Variants in ANK1 observed in about 807,000 individuals in gnomAD.
ANK1 encodes ankyrin 1, also known as ankyrin-1.
A neutral mutation model predicts 210.4 loss-of-function variants in ANK1; 51 were observed. The observed-to-expected ratio is 0.24, with a 90% CI of 0.19 to 0.31. ANK1 has a LOEUF of 0.31. Among genes scored for constraint, ANK1 ranks in the 10% least tolerant of loss-of-function variants. ANK1 has a pLI of 1.00. For synonymous variants in ANK1, 967 were observed against 1,025.9 expected (o/e 0.94, Z 1.10); for missense variants, 2,051 against 2,504.4 (o/e 0.82, Z 3.86).
chr8:41,741,046 G>C (rs1358243428), intron 2 of ANK1, among the ~76,000 whole-genome samples: 2 of 152,212 alleles, frequency 1.3e-5, no homozygotes, highest in African/African-American at 4.8e-5. Flanking sequence ...GGGGACCTGG[G>C]AGTCCCATTT....
intron 1 of ANK1, among the ~76,000 whole-genome samples, chr8:41,807,598 G>T (rs115467266): frequency 4.6e-5 from 7 of 152,088 alleles, no homozygotes; most frequent in African/African-American, 1.7e-4. Flanking sequence ...TGGATCACAC[G>T]GTGCTGGTGG....
intron 1 of ANK1, among the ~76,000 whole-genome samples, chr8:41,886,923 T>C (rs901087383): frequency 3.3e-5 from 5 of 152,124 alleles, no homozygotes; most frequent in South Asian, 2.1e-4. Context: ...CCAACACACA[T>C]ACATTTTCAA....
At chr8:41,683,833 C>T (rs1816866664) in intron 37 of ANK1, among the ~76,000 whole-genome samples, 1 of 152,144 alleles carries the variant, frequency 6.6e-6, no homozygotes, top group African/African-American at 2.4e-5. Context: ...GGGGCCTGGC[C>T]CAGGAGTGGC....
intron 31 of ANK1, among the ~76,000 whole-genome samples, chr8:41,692,218 G>A (rs991640086): frequency 2.0e-5 from 3 of 152,066 alleles, no homozygotes; most frequent in Non-Finnish European, 4.4e-5. Flanking sequence ...CATCATGCCC[G>A]GCTAATTTTT....
chr8:41,747,232 A>G (rs908163534), intron 2 of ANK1, among the ~76,000 whole-genome samples: 1 of 152,176 alleles, frequency 6.6e-6, no homozygotes, highest in Non-Finnish European at 1.5e-5. Flanking sequence ...AATCGAATGC[A>G]AACAATCGTG....
intron 36 of ANK1, among the ~76,000 whole-genome samples, chr8:41,685,666 T>C (rs1817517686): frequency 6.6e-6 from 1 of 152,080 alleles, no homozygotes; most frequent in Admixed American, 6.5e-5. Flanking sequence ...AGTCAGGATT[T>C]TGCTTGTTGC....
intron 22 of ANK1, 65 bp from the exon 23 acceptor site, chr8:41,699,613 A>G: frequency 1.3e-6 from 2 of 1,502,384 alleles, no homozygotes; most frequent in Non-Finnish European, 1.8e-6. Flanking sequence ...TTTTTTAAAA[A>G]AGCTCTGTTC....
chr8:41,882,229 A>C (rs1817711313), intron 1 of ANK1, among the ~76,000 whole-genome samples: 1 of 152,128 alleles, frequency 6.6e-6, no homozygotes, highest in Non-Finnish European at 1.5e-5. Context: ...GCGCCTGGTG[A>C]GCCACTGAGC....
In ANK1 at chr8:41,704,589, C is replaced by T; in HGVS notation, c.2098-117G>A. On this transcript the variant is annotated intron_variant, in intron 18 of 42. Transcript: ENST00000289734. The surrounding 1 kb of genome is among the most constrained non-coding windows in gnomAD (Gnocchi z 4.1). ...GGACAGGGAGCCCCTTGAAGGCTGACATTGACAAGCTGAATGGCTGCTGCT... is the reference window on the plus strand; with the variant it reads ...GGACAGGGAGCCCCTTGAAGGCTGATATTGACAAGCTGAATGGCTGCTGCT... The T allele has an allele frequency of 1.1e-6, 1 of 876,434 alleles. No homozygotes were observed. The highest frequency in any genetic ancestry group is 1.9e-6 in the Non-Finnish European group (1 of 531,966). The allele number at this position is 876,434 out of a possible 1,614,324, so 54.3% of individuals were successfully genotyped here. A position where few individuals can be genotyped will look rare whatever the true frequency, so the allele number is the denominator to read the frequency against.
chr8:41,876,600 C>T (rs1166822354), intron 1 of ANK1, among the ~76,000 whole-genome samples: 1 of 152,224 alleles, frequency 6.6e-6, no homozygotes. Context: ...AAGTCGGAAA[C>T]GTACGCGCTG....
At chr8:41,807,992 G>T (rs10092989) in intron 1 of ANK1, among the ~76,000 whole-genome samples, 36,327 of 151,258 alleles carry the variant, frequency 0.24, 6,556 homozygotes, top group African/African-American at 0.51. Flanking sequence ...GAAGAAGAGA[G>T]GATGATGAAA....
chr8:41,716,049 A>C (rs569399859), intron 13 of ANK1, among the ~76,000 whole-genome samples, 200 bp from the exon 14 acceptor site: 6 of 152,318 alleles, frequency 3.9e-5, no homozygotes, highest in African/African-American at 1.4e-4. Context: ...CTGAATCCTT[A>C]CAACAGTTCT....
chr8:41,725,710 G>A lies in ANK1; in HGVS notation c.612+51C>T, dbSNP rs780536266. On this transcript the variant is annotated intron_variant, in intron 6 of 42. Transcript: ENST00000289734. ...TCGCTGGGCGTGCGCGGTGCCCCCT[G>A]AGCCCACGGGCGTCCGCGGCCCAAG... 25 of 1,578,434 alleles carry A rather than the reference G, an allele frequency of 1.6e-5. No homozygotes were observed. The African/African-American group carries it at 3.2e-4, about 20-fold the overall frequency.
chr8:41,784,043 G>T (rs572128733), intron 1 of ANK1, among the ~76,000 whole-genome samples: 2 of 129,234 alleles, frequency 1.5e-5, no homozygotes, highest in Non-Finnish European at 1.7e-5. Flanking sequence ...TGGTGGCATC[G>T]CAAGACCCTA....
chr8:41,822,120 AAGAG>A (rs11323389), intron 1 of ANK1, among the ~76,000 whole-genome samples: 2 of 30,482 alleles, frequency 6.6e-5, no homozygotes, highest in African/African-American at 2.2e-4. Context: ...GAGAGAAAGA[AAGAG>A]AAAGAAAGAG....
intron 24 of ANK1, chr8:41,697,825 A>C: frequency 1.4e-5 from 9 of 628,656 alleles, no homozygotes; most frequent in East Asian, 1.2e-4. Flanking sequence ...CACCACAGGA[A>C]AGGGCCCCAT....
intron 1 of ANK1, among the ~76,000 whole-genome samples, chr8:41,806,378 A>G (rs10103618): frequency 0.068 from 10,376 of 152,206 alleles, 478 homozygotes; most frequent in African/African-American, 0.12. Context: ...CTGTGTATAA[A>G]AAGGAGCAAG....
intron 12 of ANK1, among the ~76,000 whole-genome samples, 194 bp downstream of exon 12, chr8:41,717,410 C>T (rs1827993628): frequency 6.6e-6 from 1 of 152,222 alleles, no homozygotes; most frequent in African/African-American, 2.4e-5. Flanking sequence ...ACAAAGCCTC[C>T]AAGGTTTACG....
At position 41,655,128 on chromosome 8, in the gene ANK1, TGGTGTGTGTGTGTG is replaced by T; in HGVS notation, c.*648_*661del. ...TGTGTGTAGATTCAGTGGAGGCGAG[TGGTGTGTGTGTGTG>T]TGTGTGTGTGTCCTGAATGTCATGT... On this transcript the variant is annotated 3_prime_UTR_variant, in exon 43 of 43. Coordinates refer to ENST00000289734, the MANE Select transcript of ANK1 (RefSeq NM_000037.4). 3.2e-5 allele frequency: 1 copy of T among 31,484 alleles called. No individual in the cohort carries two copies. The highest frequency in any genetic ancestry group is 7.1e-5 in the Non-Finnish European group (1 of 14,174). 2.0% of individuals were successfully genotyped at this position (31,484 alleles called of 1,614,324 possible).
Sources: gnomAD v4.1 joint callset for allele counts (sites outside exome capture counted in the v4.1 genomes callset) on GRCh38, gnomAD v4.1.1 for gene constraint, Gnocchi (gnomAD v3.1) non-coding constraint, MANE v1.5 for transcripts, NCBI Gene and HGNC (gene_info 2026-07-23, HGNC 2026-07-21) for gene names.